TENM2: variants seen among roughly 807,000 people sequenced by gnomAD.
The protein encoded by TENM2 is teneurin transmembrane protein 2.
TENM2 carries 52 observed loss-of-function variants against 245.2 expected under a neutral mutation model. The ratio of observed to expected loss-of-function variants is 0.21; its 90% CI spans 0.17 to 0.27. The LOEUF is 0.27. Ranked by LOEUF, TENM2 falls within the 10% of genes least tolerant of loss-of-function variation. The pLI is 1.00. For missense variants in TENM2, 3,046 were observed against 3,666.8 expected (o/e 0.83, Z 4.37); for synonymous variants, 1,363 against 1,438.9 (o/e 0.95, Z 1.19).
chr5:167,980,217 G>A (rs1336330927), intron 4 of TENM2, among the ~76,000 whole-genome samples: 1 of 152,142 alleles, frequency 6.6e-6, no homozygotes. Flanking sequence ...CATGTTAAAT[G>A]AGATATCTCA....
chr5:167,358,868 G>A (rs1299563957), intron 1 of TENM2, among the ~76,000 whole-genome samples: 1 of 147,666 alleles, frequency 6.8e-6, no homozygotes, highest in Non-Finnish European at 1.5e-5. Flanking sequence ...TGTTTTTACA[G>A]CCTACCCCAT....
the TENM2 span, among the ~76,000 whole-genome samples, chr5:167,175,404 A>G: frequency 5.5e-4 from 84 of 152,342 alleles, no homozygotes; most frequent in Non-Finnish European, 1.0e-3. Flanking sequence ...GCAAGAACCA[A>G]AGTAACTTAT....
chr5:167,531,916 C>T (rs1425703348), intron 2 of TENM2, among the ~76,000 whole-genome samples: 1 of 152,202 alleles, frequency 6.6e-6, no homozygotes, highest in Non-Finnish European at 1.5e-5. Context: ...TGTCTTTTCA[C>T]AGCCTGATTT....
chr5:167,421,658 G>A (rs1294645731), intron 2 of TENM2, among the ~76,000 whole-genome samples: 1 of 152,192 alleles, frequency 6.6e-6, no homozygotes, highest in Non-Finnish European at 1.5e-5. Context: ...CTCCTAGATA[G>A]TTCACAATAA....
chr5:167,025,334 A>G, the TENM2 span, among the ~76,000 whole-genome samples: 1 of 152,196 alleles, frequency 6.6e-6, no homozygotes, highest in African/African-American at 2.4e-5. Flanking sequence ...CAGATTATAA[A>G]TATTCATCAC....
intron 2 of TENM2, among the ~76,000 whole-genome samples, chr5:167,694,080 C>T (rs2150413382): frequency 6.6e-6 from 1 of 152,226 alleles, no homozygotes; most frequent in South Asian, 2.1e-4. Flanking sequence ...TTAGTATTAT[C>T]AGAAATGTAC....
the TENM2 span, among the ~76,000 whole-genome samples, chr5:167,008,704 C>T: frequency 2.6e-3 from 390 of 152,114 alleles, 3 homozygotes; most frequent in African/African-American, 8.1e-3. Flanking sequence ...TCTCAGATAC[C>T]ATCTAGGAGG....
intron 26 of TENM2, among the ~76,000 whole-genome samples, chr5:168,245,666 C>T (rs1766496068): frequency 6.6e-6 from 1 of 152,036 alleles, no homozygotes; most frequent in Admixed American, 6.6e-5. Flanking sequence ...TTGCTCAACC[C>T]GGGCCTCTCA....
chr5:168,150,394 C>G (rs1756537356), intron 12 of TENM2, among the ~76,000 whole-genome samples: 2 of 152,342 alleles, frequency 1.3e-5, no homozygotes, highest in South Asian at 4.1e-4. Context: ...AGGGACAGGG[C>G]AGGAGACAGA....
chr5:167,309,060 G>A (rs530632611), intron 1 of TENM2, among the ~76,000 whole-genome samples: 3 of 148,928 alleles, frequency 2.0e-5, no homozygotes, highest in East Asian at 2.0e-4. Context: ...TGGGGTGGGT[G>A]GGGGGGAGGT....
At chr5:167,146,652 G>T in the TENM2 span, among the ~76,000 whole-genome samples, 1 of 152,164 alleles carries the variant, frequency 6.6e-6, no homozygotes, top group Non-Finnish European at 1.5e-5. Context: ...AGTCCAGCTT[G>T]ACTGCCTTGA....
In TENM2 at chr5:168,244,778, T is replaced by G; in HGVS notation, c.5817+62T>G. 2 of 1,199,934 alleles carry G rather than the reference T, an allele frequency of 1.7e-6. No homozygotes were observed. Among genetic ancestry groups the G allele is most frequent in the Non-Finnish European group, 2.1e-6 (2 of 933,990 alleles). The allele number at this position is 1,199,934 out of a possible 1,614,324, so 74.3% of individuals were successfully genotyped here. On this transcript the variant is annotated intron_variant, in intron 26 of 28. Coordinates refer to ENST00000518659, the Ensembl canonical transcript of TENM2. The surrounding 1 kb of genome is among the most constrained non-coding windows in gnomAD (Gnocchi z 4.9). ...TGTTATTTCTGTTATTCCGGCTTCT[T>G]TTTTTTTTTGAGACAGAGACTTGCT...
intron 2 of TENM2, among the ~76,000 whole-genome samples, chr5:167,757,720 C>G (rs1479962592): frequency 6.6e-6 from 1 of 152,138 alleles, no homozygotes. Flanking sequence ...AGTGTAAAAG[C>G]GTTCCTGTTT....
At chr5:167,649,724 C>A (rs2150283313) in intron 2 of TENM2, among the ~76,000 whole-genome samples, 1 of 152,162 alleles carries the variant, frequency 6.6e-6, no homozygotes, top group Admixed American at 6.5e-5. Context: ...TCATTGTGTG[C>A]CTTGAGGGTG....
intron 2 of TENM2, among the ~76,000 whole-genome samples, chr5:167,571,350 C>A (rs551293652): frequency 3.4e-4 from 52 of 152,292 alleles, no homozygotes; most frequent in Middle Eastern, 3.4e-3. Flanking sequence ...GGCAGGGTAA[C>A]CTGGTTCCAA....
chr5:168,054,688 T>G (rs1409767072), intron 6 of TENM2, among the ~76,000 whole-genome samples: 1 of 152,262 alleles, frequency 6.6e-6, no homozygotes, highest in African/African-American at 2.4e-5. Context: ...TAGCTCCTAA[T>G]GTAGCTATGG....
chr5:168,149,397 G>A (rs1346753528), intron 12 of TENM2: 1 of 457,144 alleles, frequency 2.2e-6, no homozygotes, highest in South Asian at 1.5e-5. Flanking sequence ...TTCCAACCGA[G>A]GAGTCTGGTT....
chr5:168,114,644 G>A (rs6876251), intron 9 of TENM2, among the ~76,000 whole-genome samples: 80,503 of 151,942 alleles, frequency 0.53, 21,515 homozygotes, highest in East Asian at 0.63. Flanking sequence ...CTGCCCCATG[G>A]CAACTGGATT....
intron 2 of TENM2, among the ~76,000 whole-genome samples, chr5:167,640,196 A>G (rs1049209002): frequency 2.0e-5 from 3 of 152,176 alleles, no homozygotes; most frequent in Admixed American, 6.5e-5. Context: ...CTTTCTAGCT[A>G]TATGGACAAG....
Sources: gnomAD v4.1 joint callset for allele counts (sites outside exome capture counted in the v4.1 genomes callset) on GRCh38, gnomAD v4.1.1 for gene constraint, Gnocchi (gnomAD v3.1) non-coding constraint, MANE v1.5 for transcripts, NCBI Gene and HGNC (gene_info 2026-07-23, HGNC 2026-07-21) for gene names.